Variants in NEDD4L observed in about 807,000 individuals in gnomAD.
The protein encoded by NEDD4L is E3 ubiquitin-protein ligase NEDD4-like.
Under a neutral mutation model 148.9 loss-of-function variants are expected in NEDD4L, and 54 were observed. The ratio of observed to expected loss-of-function variants is 0.36; its 90% CI spans 0.29 to 0.45. The LOEUF (loss-of-function observed/expected upper bound fraction) is 0.45. NEDD4L is among the 20% of genes least tolerant of loss of function. NEDD4L has a pLI of 1.00. For synonymous variants in NEDD4L, 433 were observed against 440.7 expected (o/e 0.98, Z 0.22); for missense variants, 856 against 1,233.8 (o/e 0.69, Z 4.59).
At chr18:58,153,916 G>C (rs1477277914) in intron 1 of NEDD4L, among the ~76,000 whole-genome samples, 1 of 152,114 alleles carries the variant, frequency 6.6e-6, no homozygotes, top group Admixed American at 6.5e-5. Context: ...CAAAATGCTG[G>C]GATTACAGGC....
intron 1 of NEDD4L, among the ~76,000 whole-genome samples, chr18:58,075,904 G>A (rs1397577149): frequency 1.3e-5 from 2 of 152,154 alleles, no homozygotes; most frequent in Non-Finnish European, 2.9e-5. Flanking sequence ...ACTCCAGCGT[G>A]AGTGACAGGG....
At chr18:58,239,972 G>A (rs1568455854) in intron 2 of NEDD4L, among the ~76,000 whole-genome samples, 3 of 152,160 alleles carry the variant, frequency 2.0e-5, no homozygotes, top group Non-Finnish European at 4.4e-5. Flanking sequence ...TGGAAATTTT[G>A]CAAAATCCGA....
At chr18:58,287,795 G>A (rs904437452) in intron 5 of NEDD4L, among the ~76,000 whole-genome samples, 2 of 152,104 alleles carry the variant, frequency 1.3e-5, no homozygotes, top group Non-Finnish European at 2.9e-5. Flanking sequence ...GCACGTGTGC[G>A]CGAGCCTGTG....
chr18:58,358,669 A>T (rs2045057976), intron 19 of NEDD4L, among the ~76,000 whole-genome samples: 1 of 152,000 alleles, frequency 6.6e-6, no homozygotes, highest in Non-Finnish European at 1.5e-5. Flanking sequence ...TTATTCCTTC[A>T]TTTTTATTAT....
intron 2 of NEDD4L, among the ~76,000 whole-genome samples, chr18:58,202,460 A>G (rs930549378): frequency 6.6e-6 from 1 of 152,246 alleles, no homozygotes; most frequent in Non-Finnish European, 1.5e-5. Flanking sequence ...GATAGAATCT[A>G]CCAATTACTG....
At chr18:58,149,447 A>G in intron 1 of NEDD4L, 15 of 1,532,516 alleles carry the variant, frequency 9.8e-6, no homozygotes, top group Non-Finnish European at 1.3e-5. Flanking sequence ...TGCAGCCACG[A>G]CTTCCGCATA....
At chr18:58,212,589 G>A (rs1217991083) in intron 2 of NEDD4L, among the ~76,000 whole-genome samples, 1 of 152,158 alleles carries the variant, frequency 6.6e-6, no homozygotes, top group Non-Finnish European at 1.5e-5. Context: ...TACAGTTCAA[G>A]GTGAGATTTG....
chr18:58,139,192 A>G (rs961856423), intron 1 of NEDD4L, among the ~76,000 whole-genome samples: 7 of 152,224 alleles, frequency 4.6e-5, no homozygotes, highest in Non-Finnish European at 7.3e-5. Flanking sequence ...TGTTTTCTGT[A>G]GTCTTTGACT....
intron 1 of NEDD4L, 61 bp from the exon 2 acceptor site, chr18:58,165,727 T>A: frequency 1.3e-6 from 2 of 1,528,506 alleles, no homozygotes; most frequent in Non-Finnish European, 1.8e-6. Context: ...TAATATTGGA[T>A]GAGAGAGTGA....
intron 8 of NEDD4L, among the ~76,000 whole-genome samples, 176 bp downstream of exon 8, chr18:58,323,510 G>T (rs1381050849): frequency 6.6e-6 from 1 of 152,192 alleles, no homozygotes; most frequent in East Asian, 1.9e-4. Flanking sequence ...TTTGGTTAAA[G>T]ATGAACTTTT....
At chr18:58,046,964 GGCAGTTTCAT>G (rs58124769) in intron 1 of NEDD4L, 137,416 of 151,962 alleles carry the variant, frequency 0.9, 62,213 homozygotes, top group East Asian at 1. Context: ...GTTTTTCATG[GGCAGTTTCAT>G]GCTGTCACGT....
At chr18:58,141,914 C>T (rs567161049) in intron 1 of NEDD4L, among the ~76,000 whole-genome samples, 60 of 152,138 alleles carry the variant, frequency 3.9e-4, no homozygotes, top group Non-Finnish European at 6.3e-4. Context: ...GTGAAAACAA[C>T]GCTGTTTTGT....
intron 1 of NEDD4L, among the ~76,000 whole-genome samples, chr18:58,089,224 C>A (rs2083927767): frequency 6.8e-6 from 1 of 147,822 alleles, no homozygotes; most frequent in Non-Finnish European, 1.5e-5. Context: ...ACCTTTGCCT[C>A]CTGGGTTCAA....
At chr18:58,304,346 C>CAAA (rs147670637) in intron 5 of NEDD4L, among the ~76,000 whole-genome samples, 4 of 64,292 alleles carry the variant, frequency 6.2e-5, no homozygotes, top group East Asian at 4.1e-4. Flanking sequence ...CCTGTCTCTA[C>CAAA]AAAAAAAAAA....
chr18:58,175,765 A>C (rs1055677775), intron 2 of NEDD4L, among the ~76,000 whole-genome samples: 5 of 152,216 alleles, frequency 3.3e-5, no homozygotes, highest in Admixed American at 2.6e-4. Flanking sequence ...TCCCTCCCGC[A>C]AATATAGATA....
At chr18:58,349,461 C>A in intron 16 of NEDD4L, 76 bp from the exon 17 acceptor site, 1 of 1,258,662 alleles carries the variant, frequency 7.9e-7, no homozygotes, top group Non-Finnish European at 1.2e-6. Context: ...ACAAACAGCT[C>A]AAGAAGAAAA....
intron 2 of NEDD4L, among the ~76,000 whole-genome samples, chr18:58,236,699 T>C (rs2046066703): frequency 6.6e-6 from 1 of 152,226 alleles, no homozygotes; most frequent in African/African-American, 2.4e-5. Context: ...CCATTGCTCA[T>C]AGTTTTTCCT....
intron 19 of NEDD4L, chr18:58,360,181 G>A (rs2045281027): frequency 6.6e-6 from 1 of 152,210 alleles, no homozygotes; most frequent in Non-Finnish European, 1.5e-5. Context: ...CCTATGTGTG[G>A]AGTTCTCTTC....
chr18:58,131,845 T>C (rs1283470411), intron 1 of NEDD4L, among the ~76,000 whole-genome samples: 1 of 152,236 alleles, frequency 6.6e-6, no homozygotes, highest in East Asian at 1.9e-4. Context: ...TGCGTTGCTG[T>C]ATGCCTGTAT....
Sources: allele counts gnomAD v4.1 joint callset (sites outside exome capture counted in the v4.1 genomes callset), GRCh38; gene constraint gnomAD v4.1.1; transcripts MANE v1.5; gene names NCBI Gene and HGNC (gene_info 2026-07-23, HGNC 2026-07-21).